The following DIP2C variants were observed in gnomAD, a reference collection of about 807,000 sequenced individuals.
DIP2C encodes disco-interacting protein 2 homolog C.
In DIP2C, 33 loss-of-function variants were observed where a neutral mutation model predicts 192.4. The observed-to-expected ratio is 0.17, with a 90% CI of 0.13 to 0.23. The LOEUF (loss-of-function observed/expected upper bound fraction) is 0.23, where lower values mean the gene tolerates loss of function less well. DIP2C is among the 10% of genes least tolerant of loss of function. DIP2C has a pLI of 1.00. For synonymous variants in DIP2C, 979 were observed against 864.1 expected (o/e 1.13, Z -2.33); for missense variants, 1,537 against 2,110.1 (o/e 0.73, Z 5.32).
chr10:586,861 CCCA>C (rs776164160), intron 1 of DIP2C, among the ~76,000 whole-genome samples: 46 of 152,176 alleles, frequency 3.0e-4, no homozygotes, highest in South Asian at 6.2e-4. Flanking sequence ...TGGGGAAAAC[CCCA>C]CAACAAGGTG....
intron 1 of DIP2C, among the ~76,000 whole-genome samples, chr10:553,970 GC>G (rs1564843425): frequency 6.6e-6 from 1 of 150,766 alleles, no homozygotes; most frequent in Non-Finnish European, 1.5e-5. Context: ...AAACGTATAC[GC>G]TTGTAACTGT....
intron 1 of DIP2C, among the ~76,000 whole-genome samples, chr10:619,545 T>TCCCTCCCTCCCTCCCTCCCTCCCACCCA (rs1554757207): frequency 6.3e-4 from 10 of 15,876 alleles, no homozygotes; most frequent in African/African-American, 1.9e-3. Context: ...CCGCCCGCCC[T>TCCCTCCCTCCCTCCCTCCCTCCCACCCA]CCCACCCAGC....
At chr10:326,485 C>T (rs1046103227) in intron 31 of DIP2C, among the ~76,000 whole-genome samples, 18 of 152,282 alleles carry the variant, frequency 1.2e-4, no homozygotes, top group South Asian at 2.1e-4. Context: ...GAAGGAAATC[C>T]GCAGCTCTGC....
intron 29 of DIP2C, among the ~76,000 whole-genome samples, chr10:330,092 G>A (rs1017715604): frequency 1.3e-5 from 2 of 152,132 alleles, no homozygotes; most frequent in Non-Finnish European, 2.9e-5. Flanking sequence ...TGAGTGGTCA[G>A]AGACCACAGA....
intron 1 of DIP2C, among the ~76,000 whole-genome samples, chr10:676,636 A>C (rs1401932070): frequency 1.3e-5 from 2 of 152,220 alleles, no homozygotes; most frequent in Non-Finnish European, 2.9e-5. Context: ...GGAAAAAGAA[A>C]TCAAGAAAGC....
intron 3 of DIP2C, among the ~76,000 whole-genome samples, chr10:459,209 AACAG>A (rs1370693321): frequency 2.0e-5 from 3 of 152,026 alleles, no homozygotes; most frequent in Non-Finnish European, 2.9e-5. Flanking sequence ...CCCACCCCCA[AACAG>A]ACAGCCAGCC....
At chr10:449,807 C>CACA (rs1406296084) in intron 3 of DIP2C, among the ~76,000 whole-genome samples, 108 of 107,430 alleles carry the variant, frequency 1.0e-3, no homozygotes, top group African/African-American at 1.0e-2. Context: ...AAGAAGTAAA[C>CACA]ACATTCAGTT....
chr10:515,732 A>G (rs1041620280), intron 1 of DIP2C, among the ~76,000 whole-genome samples: 1 of 152,148 alleles, frequency 6.6e-6, no homozygotes, highest in Non-Finnish European at 1.5e-5. Context: ...TCAAAAAAAT[A>G]AAAATAAAAA....
chr10:468,796 G>A (rs1288066364), intron 3 of DIP2C, among the ~76,000 whole-genome samples: 1 of 152,092 alleles, frequency 6.6e-6, no homozygotes, highest in African/African-American at 2.4e-5. Flanking sequence ...AAAAAAAGAT[G>A]AGTACCCAAC....
rs568472335 is a variant in DIP2C at position 280,310 on chromosome 10, A to T, written c.4418+890T>A. On this transcript the variant is annotated intron_variant, in intron 36 of 36. Transcript: ENST00000280886. ...AGAACCCATCCTTTCAACCCAGAAG[A>T]GCTGTTCATGAGAGTGCAGAACATA... Among the ~76,000 whole-genome samples, 289 of 152,326 alleles carry T rather than the reference A, an allele frequency of 1.9e-3. 1 individual carries two copies. The highest frequency in any genetic ancestry group is 6.8e-3 in the Middle Eastern group (2 of 294).
At chr10:529,649 C>A (rs141519025) in intron 1 of DIP2C, among the ~76,000 whole-genome samples, 27 of 152,324 alleles carry the variant, frequency 1.8e-4, no homozygotes, top group African/African-American at 6.5e-4. Context: ...TGCAGCAGCA[C>A]CTGGCTCCGT....
intron 1 of DIP2C, among the ~76,000 whole-genome samples, chr10:572,725 C>G (rs564057919): frequency 4.7e-4 from 71 of 152,290 alleles, no homozygotes; most frequent in Admixed American, 1.3e-3. Flanking sequence ...TTCCATTCAT[C>G]TGAAAGTCAC....
chr10:536,425 A>G (rs1003002665), intron 1 of DIP2C, among the ~76,000 whole-genome samples: 4 of 151,992 alleles, frequency 2.6e-5, no homozygotes, highest in Admixed American at 2.0e-4. Flanking sequence ...TGTTCCCCAT[A>G]GGGACGTCAC....
Position 535,609 on chromosome 10 carries a change from C to T in DIP2C, c.86-49079G>A, listed in dbSNP as rs909876577. On this transcript the variant is annotated intron_variant, in intron 1 of 36. Transcript: ENST00000280886. ...CGAAACACACGAGATTCAGTGTGAT[C>T]CCACACTCGTCACTGCTGACCTCAA... 1.8e-4 allele frequency among the ~76,000 whole-genome samples: 28 copies of T among 152,258 alleles called. 1 individual carries two copies. Among genetic ancestry groups the T allele is most frequent in the Admixed American group, 9.8e-4 (15 of 15,290 alleles).
chr10:513,564 G>A (rs528732042), intron 1 of DIP2C, among the ~76,000 whole-genome samples: 5 of 152,138 alleles, frequency 3.3e-5, no homozygotes, highest in South Asian at 4.2e-4. Context: ...GCCACACCGC[G>A]GTCCACTGCG....
intron 18 of DIP2C, among the ~76,000 whole-genome samples, chr10:369,138 C>G (rs1236182424): frequency 1.3e-5 from 2 of 152,238 alleles, no homozygotes; most frequent in Non-Finnish European, 2.9e-5. Flanking sequence ...TTGGCTGTTC[C>G]CACTCTGGCT....
At chr10:613,362 C>T (rs1196349922) in intron 1 of DIP2C, among the ~76,000 whole-genome samples, 5 of 152,100 alleles carry the variant, frequency 3.3e-5, no homozygotes, top group Admixed American at 6.5e-5. Context: ...ATAATGTGCA[C>T]GCCTGCATCT....
chr10:371,355 T>A (rs1039372637), intron 17 of DIP2C, among the ~76,000 whole-genome samples: 1 of 152,226 alleles, frequency 6.6e-6, no homozygotes, highest in African/African-American at 2.4e-5. Context: ...CAGACACAGA[T>A]GCCCCTGGAC....
chr10:546,936 T>G (rs1461722184), intron 1 of DIP2C, among the ~76,000 whole-genome samples: 3 of 152,196 alleles, frequency 2.0e-5, no homozygotes, highest in African/African-American at 7.2e-5. Context: ...AAAGAATCAA[T>G]TTGTTCATTT....
Sources: gnomAD v4.1 joint callset for allele counts (sites outside exome capture counted in the v4.1 genomes callset) on GRCh38, gnomAD v4.1.1 for gene constraint, MANE v1.5 for transcripts, NCBI Gene and HGNC (gene_info 2026-07-23, HGNC 2026-07-21) for gene names.